ERGIC1: variants seen among roughly 807,000 people sequenced by gnomAD.
ERGIC1 encodes the protein endoplasmic reticulum-Golgi intermediate compartment protein 1.
ERGIC1 carries 19 observed loss-of-function variants against 38.3 expected under a neutral mutation model. The observed-to-expected ratio is 0.50, with a 90% CI of 0.35 to 0.73. The LOEUF (loss-of-function observed/expected upper bound fraction) is 0.73. ERGIC1 is among the 30% of genes least tolerant of loss of function. The pLI is 0.01. For missense variants in ERGIC1, 294 were observed against 389.2 expected, an observed-to-expected ratio of 0.76 and a Z score of 2.06; for synonymous variants, 124 against 157.6, an observed-to-expected ratio of 0.79 and a Z score of 1.60.
At chr5:172,920,431 C>A (rs1475092034) in intron 5 of ERGIC1, 1 of 717,648 alleles carries the variant, frequency 1.4e-6, no homozygotes, top group African/African-American at 1.7e-5. Flanking sequence ...TCACCAGAGA[C>A]CCCACGGTGA....
At chr5:172,940,040 G>T (rs1038317439) in intron 9 of ERGIC1, among the ~76,000 whole-genome samples, 5 of 152,198 alleles carry the variant, frequency 3.3e-5, no homozygotes, top group Non-Finnish European at 7.3e-5. Context: ...TCCTTAGAGG[G>T]GCTGCAGATG....
chr5:172,910,541 TGAGACGGA>T (rs1254204308), intron 4 of ERGIC1, among the ~76,000 whole-genome samples: 346 of 129,892 alleles, frequency 2.7e-3, no homozygotes, highest in South Asian at 4.3e-3. Flanking sequence ...TTTTTTTTTT[TGAGACGGA>T]GTTTCACTCC....
intron 1 of ERGIC1, among the ~76,000 whole-genome samples, chr5:172,880,949 T>C (rs1242996890): frequency 6.6e-6 from 1 of 152,250 alleles, no homozygotes; most frequent in African/African-American, 2.4e-5. Flanking sequence ...CATTTTCCTT[T>C]TTAAAAAGTG....
chr5:172,867,907 G>A (rs1411422937), intron 1 of ERGIC1, among the ~76,000 whole-genome samples: 1 of 152,138 alleles, frequency 6.6e-6, no homozygotes, highest in African/African-American at 2.4e-5. Flanking sequence ...TCCCTAGGAG[G>A]GAGACGTAAT....
chr5:172,876,200 GTCTA>G (rs1199776224), intron 1 of ERGIC1, among the ~76,000 whole-genome samples: 1 of 151,952 alleles, frequency 6.6e-6, no homozygotes, highest in Non-Finnish European at 1.5e-5. Context: ...GGGCAGCCTG[GTCTA>G]TCTGTTAGGA....
intron 9 of ERGIC1, among the ~76,000 whole-genome samples, chr5:172,943,612 G>T (rs941534241): frequency 3.3e-5 from 5 of 152,216 alleles, no homozygotes; most frequent in African/African-American, 1.2e-4. Flanking sequence ...GTGTCATCCC[G>T]GTCCCTGCAG....
intron 1 of ERGIC1, among the ~76,000 whole-genome samples, chr5:172,860,668 C>T (rs903863565): frequency 1.3e-5 from 2 of 152,194 alleles, no homozygotes; most frequent in African/African-American, 4.8e-5. Context: ...AGGAAGCCAC[C>T]CTTGGGCTGG....
rs767326809 is a variant in ERGIC1, at chr5:172,932,542, C to T, written c.642+6C>T. The T allele has an allele frequency of 5.0e-6, 8 of 1,613,516 alleles. No individual in the cohort carries two copies. The highest frequency in any genetic ancestry group is 3.3e-5 in the South Asian group (3 of 91,004). ...AGTACACGGTGGCCAACAAGGTGCG[C>T]GGGCGGTGGCTGGGCCGAGCTGTGT... On this transcript the variant is annotated splice_donor_region_variant and intron_variant, in intron 8 of 9. Transcript: ENST00000393784.
intron 1 of ERGIC1, among the ~76,000 whole-genome samples, chr5:172,879,651 G>T (rs1762232268): frequency 6.6e-6 from 1 of 152,172 alleles, no homozygotes; most frequent in African/African-American, 2.4e-5. Context: ...CCAGATTCTT[G>T]GTCTCCATGG....
intron 4 of ERGIC1, among the ~76,000 whole-genome samples, chr5:172,910,194 T>C (rs1050598554): frequency 6.6e-6 from 1 of 152,212 alleles, no homozygotes; most frequent in African/African-American, 2.4e-5. Context: ...AATGACACCA[T>C]AGCATTTGTC....
At chr5:172,903,457 G>C (rs1399140918) in intron 3 of ERGIC1, among the ~76,000 whole-genome samples, 1 of 152,132 alleles carries the variant, frequency 6.6e-6, no homozygotes, top group Non-Finnish European at 1.5e-5. Context: ...CTTGGAAAGA[G>C]CATGGGCTCT....
chr5:172,926,505 A>T lies in ERGIC1; in HGVS notation c.481-4A>T. On this transcript the variant is annotated splice_region_variant and splice_polypyrimidine_tract_variant and intron_variant, in intron 6 of 9. Coordinates refer to ENST00000393784, the MANE Select transcript of ERGIC1 (RefSeq NM_001031711.3). This position sits in a 1 kb window ranked among gnomAD's most constrained non-coding sequence, Gnocchi z 5.2. The stretch of plus-strand genomic sequence containing the variant: ...GACCATCCCCTCACTGCATTTTTCC[A>T]CAGGTCCAGAACATCCACGGAGCTT... 6.2e-7 allele frequency: 1 copy of T among 1,613,202 alleles called. No homozygotes were observed. The highest frequency in any genetic ancestry group is 8.5e-7 in the Non-Finnish European group (1 of 1,179,906).
At chr5:172,914,944 C>G in intron 5 of ERGIC1, 106 bp downstream of exon 5, 10 of 1,537,436 alleles carry the variant, frequency 6.5e-6, no homozygotes, top group Non-Finnish European at 8.9e-6. Context: ...GACCCTGACA[C>G]AGCCCCCAGC....
At chr5:172,864,405 A>G (rs1421555415) in intron 1 of ERGIC1, among the ~76,000 whole-genome samples, 1 of 149,108 alleles carries the variant, frequency 6.7e-6, no homozygotes, top group African/African-American at 2.5e-5. Flanking sequence ...AGTAGCTGGG[A>G]TTACAGGCAC....
At chr5:172,884,040 A>G (rs921646740) in intron 1 of ERGIC1, among the ~76,000 whole-genome samples, 1 of 151,988 alleles carries the variant, frequency 6.6e-6, no homozygotes, top group Non-Finnish European at 1.5e-5. Flanking sequence ...TACTCTTTCC[A>G]TTTTGTAATT....
chr5:172,909,688 T>C lies in ERGIC1; in HGVS notation c.177T>C (p.Asp59=), dbSNP rs1382746986. The C allele has an allele frequency of 6.2e-7, 1 of 1,614,234 alleles. No individual in the cohort carries two copies. The highest frequency in any genetic ancestry group is 1.7e-5 in the Admixed American group (1 of 60,030). ...TTEVVNELYV[D]DPDKDSGGKI... ...CTAGTGTGAACGAGCTCTATGTCGA[T>C]GACCCAGACAAGGACAGCGGTGGCA... Residue 59 remains aspartate (D), a synonymous_variant, in exon 4 of 10, where the codon GAT becomes GAC. Coordinates refer to ENST00000393784, the MANE Select transcript of ERGIC1 (RefSeq NM_001031711.3).
At chr5:172,847,068 G>C (rs1761297042) in intron 1 of ERGIC1, among the ~76,000 whole-genome samples, 1 of 152,106 alleles carries the variant, frequency 6.6e-6, no homozygotes, top group Admixed American at 6.5e-5. Context: ...AACTTATGCT[G>C]GGACTTGATG....
At chr5:172,918,936 C>T (rs1763443826) in intron 5 of ERGIC1, among the ~76,000 whole-genome samples, 1 of 152,160 alleles carries the variant, frequency 6.6e-6, no homozygotes, top group Non-Finnish European at 1.5e-5. Context: ...ATTCACTCCC[C>T]ACCACGCCCC....
chr5:172,867,353 C>T (rs1225127527), intron 1 of ERGIC1: 1 of 422,682 alleles, frequency 2.4e-6, no homozygotes, highest in Admixed American at 2.5e-5. Context: ...TAGGAGAGCA[C>T]AGGAGTCCTT....
Sources: allele counts gnomAD v4.1 joint callset (sites outside exome capture counted in the v4.1 genomes callset), GRCh38; gene constraint gnomAD v4.1.1; non-coding constraint Gnocchi (gnomAD v3.1); transcripts MANE v1.5; gene names NCBI Gene and HGNC (gene_info 2026-07-23, HGNC 2026-07-21).